NBAS: variants seen among roughly 807,000 people sequenced by gnomAD.
The protein encoded by NBAS is NAG/BC035112 fusion.
Under a neutral mutation model 302.5 loss-of-function variants are expected in NBAS, and 219 were observed. That is an observed-to-expected ratio of 0.72 (90% CI 0.65 to 0.81). The LOEUF (loss-of-function observed/expected upper bound fraction) is 0.81. NBAS is among the 30% of genes least tolerant of loss of function. NBAS has a pLI of 0.00. For missense variants in NBAS, 2,932 were observed against 2,841.6 expected (o/e 1.03, Z -0.72); for synonymous variants, 1,118 against 1,021.6 (o/e 1.09, Z -1.80).
the NBAS span, among the ~76,000 whole-genome samples, chr2:15,137,407 C>T: frequency 2.0e-5 from 3 of 152,168 alleles, no homozygotes; most frequent in Non-Finnish European, 2.9e-5. Context: ...AGAACATTCA[C>T]CTTCCCCAGG....
chr2:15,484,151 C>T (rs2148603703), intron 12 of NBAS, among the ~76,000 whole-genome samples: 1 of 152,290 alleles, frequency 6.6e-6, no homozygotes, highest in Non-Finnish European at 1.5e-5. Context: ...TCAGTTATTA[C>T]TACTTGCACA....
At chr2:15,428,781 C>T (rs546445523) in intron 21 of NBAS, among the ~76,000 whole-genome samples, 1 of 152,108 alleles carries the variant, frequency 6.6e-6, no homozygotes, top group Non-Finnish European at 1.5e-5. Context: ...CGGTGGCTCA[C>T]GCCTGTAATC....
At chr2:14,834,276 T>C in the NBAS span, among the ~76,000 whole-genome samples, 1 of 152,288 alleles carries the variant, frequency 6.6e-6, no homozygotes, top group Non-Finnish European at 1.5e-5. Flanking sequence ...AGCCGAAATT[T>C]ATAAATACTG....
rs759456035 is a variant in NBAS at position 15,415,598 on chromosome 2, G to C, written c.2885C>G (p.Ala962Gly). 28 of 1,614,028 alleles carry C rather than the reference G, an allele frequency of 1.7e-5. No homozygotes were observed. In the African/African-American group the frequency reaches 3.1e-4, roughly 18 times the overall value. Reference protein sequence around the residue: ...ELLKEYLVTLAKGDLKFPLKI... With the variant: ...ELLKEYLVTLGKGDLKFPLKI... Reference sequence around the variant, plus strand: ...CAGGGGAAATTTTAAGTCCCCTTTAGCTAAAGTTACTAAATATTCTTTTAA... The same window carrying C: ...CAGGGGAAATTTTAAGTCCCCTTTACCTAAAGTTACTAAATATTCTTTTAA... The change falls in exon 25 of 52, where the codon GCT becomes GGT. Residue 962 changes from alanine (A) to glycine (G), a missense_variant. By Grantham distance (60) the Ala-to-Gly change is moderately conservative (BLOSUM62 0). Transcript: ENST00000281513.
intron 5 of NBAS, among the ~76,000 whole-genome samples, chr2:15,552,793 A>ATTT (rs140817288): frequency 1.5e-5 from 2 of 129,420 alleles, no homozygotes; most frequent in Admixed American, 7.7e-5. Flanking sequence ...AAGCATACCT[A>ATTT]TTTTTTTTTT....
intron 9 of NBAS, among the ~76,000 whole-genome samples, chr2:15,517,819 T>G (rs1662473591): frequency 6.6e-6 from 1 of 152,176 alleles, no homozygotes; most frequent in African/African-American, 2.4e-5. Context: ...CCCTCATGGT[T>G]GCATGGTAGA....
At chr2:15,310,047 C>A (rs1051894548) in intron 38 of NBAS, among the ~76,000 whole-genome samples, 1 of 152,108 alleles carries the variant, frequency 6.6e-6, no homozygotes, top group African/African-American at 2.4e-5. Context: ...GGATAGTATA[C>A]GAATAATTCA....
the NBAS span, among the ~76,000 whole-genome samples, chr2:14,959,351 T>C: frequency 6.6e-6 from 1 of 152,200 alleles, no homozygotes; most frequent in Non-Finnish European, 1.5e-5. Context: ...CCTAACAATG[T>C]ACCACCAGTC....
At chr2:15,502,895 ACTT>A in intron 11 of NBAS, among the ~76,000 whole-genome samples, 1 of 152,072 alleles carries the variant, frequency 6.6e-6, no homozygotes, top group South Asian at 2.1e-4. Flanking sequence ...TACCTTTTTG[ACTT>A]CTGTGATAAC....
At chr2:15,479,406 A>G (rs1268625276) in intron 12 of NBAS, among the ~76,000 whole-genome samples, 2 of 152,212 alleles carry the variant, frequency 1.3e-5, no homozygotes, top group African/African-American at 4.8e-5. Flanking sequence ...CAATTTTTCA[A>G]TGCCTCCAAA....
intron 44 of NBAS, among the ~76,000 whole-genome samples, chr2:15,263,863 C>T (rs1260528082): frequency 6.6e-6 from 1 of 152,160 alleles, no homozygotes; most frequent in Admixed American, 6.5e-5. Context: ...GCTGTCAAGT[C>T]GACATCCTGC....
the NBAS span, among the ~76,000 whole-genome samples, chr2:15,059,431 AC>A: frequency 2.6e-5 from 4 of 152,016 alleles, no homozygotes; most frequent in Non-Finnish European, 5.9e-5. Flanking sequence ...TTTGGACTGG[AC>A]CCTGCCCATT....
intron 41 of NBAS, among the ~76,000 whole-genome samples, chr2:15,291,921 CAGGAAACTTTAAA>C (rs1285741443): frequency 6.6e-6 from 1 of 152,070 alleles, no homozygotes; most frequent in Non-Finnish European, 1.5e-5. Context: ...ATCAAAACTA[CAGGAAACTTTAAA>C]AAAAAATAGT....
intron 21 of NBAS, among the ~76,000 whole-genome samples, chr2:15,430,272 T>C (rs1677696023): frequency 6.6e-6 from 1 of 152,174 alleles, no homozygotes; most frequent in African/African-American, 2.4e-5. Flanking sequence ...ATAATATACA[T>C]ATTTTTTAAT....
chr2:14,796,064 A>G, the NBAS span, among the ~76,000 whole-genome samples: 1 of 152,234 alleles, frequency 6.6e-6, no homozygotes, highest in Admixed American at 6.5e-5. Context: ...TTTTTTGCAC[A>G]TGGATGCCCA....
intron 28 of NBAS, among the ~76,000 whole-genome samples, chr2:15,384,706 A>G (rs1369743144): frequency 1.3e-5 from 2 of 152,214 alleles, no homozygotes; most frequent in African/African-American, 4.8e-5. Context: ...AGTTAAATAC[A>G]CATGAGTTTG....
intron 48 of NBAS, among the ~76,000 whole-genome samples, chr2:15,214,509 C>T (rs964980915): frequency 6.6e-6 from 1 of 152,164 alleles, no homozygotes; most frequent in Non-Finnish European, 1.5e-5. Context: ...GACTGCTGAA[C>T]TGGGGATGCT....
chr2:15,181,606 C>T lies in NBAS; in HGVS notation c.6712-2490G>A, dbSNP rs184207980. ...GCCTTCGCAGTTCAAACCTGTCAGA[C>T]CATGAGGACAGAACGAACAAGAGAT... On this transcript the variant is annotated intron_variant, in intron 50 of 51. Coordinates refer to ENST00000281513, the MANE Select transcript of NBAS (RefSeq NM_015909.4). Among the ~76,000 whole-genome samples, 17 of 152,324 alleles carry T rather than the reference C, an allele frequency of 1.1e-4. No individual in the cohort carries two copies. In the South Asian group the frequency reaches 2.5e-3, roughly 22 times the overall value.
chr2:14,989,537 G>T, the NBAS span, among the ~76,000 whole-genome samples: 22 of 151,688 alleles, frequency 1.5e-4, no homozygotes, highest in East Asian at 2.9e-3. Flanking sequence ...CAGCCTGGGC[G>T]ACAGAGTGAG....
Sources: allele counts gnomAD v4.1 joint callset (sites outside exome capture counted in the v4.1 genomes callset), GRCh38; gene constraint gnomAD v4.1.1; transcripts MANE v1.5; gene names NCBI Gene and HGNC (gene_info 2026-07-23, HGNC 2026-07-21).